Variants in CXCL13 observed in about 807,000 individuals in gnomAD.
CXCL13 encodes the protein C-X-C motif chemokine 13.
Under a neutral mutation model 12.2 loss-of-function variants are expected in CXCL13, and 7 were observed. The observed-to-expected ratio is 0.57, with a 90% CI of 0.33 to 1.07. CXCL13 has a LOEUF of 1.07. Among genes scored for constraint, CXCL13 ranks in the 50% least tolerant of loss-of-function variants. The pLI is 0.04. For synonymous variants in CXCL13, 47 were observed against 42.4 expected (o/e 1.11, Z -0.42); for missense variants, 113 against 127.4 (o/e 0.89, Z 0.55).
chr4:77,561,617 C>G (rs1725814975), intron 1 of CXCL13, among the ~76,000 whole-genome samples: 1 of 152,248 alleles, frequency 6.6e-6, no homozygotes, highest in African/African-American at 2.4e-5. Context: ...GCAGATGCAG[C>G]AGATGCTCTC....
At chr4:77,589,556 GAA>G (rs1025081480) in intron 1 of CXCL13, among the ~76,000 whole-genome samples, 6 of 134,562 alleles carry the variant, frequency 4.5e-5, no homozygotes. Flanking sequence ...GTATGTATCA[GAA>G]AAAAAAAACC....
At chr4:77,587,533 A>T (rs1459278127) in intron 1 of CXCL13, among the ~76,000 whole-genome samples, 1 of 152,176 alleles carries the variant, frequency 6.6e-6, no homozygotes, top group East Asian at 1.9e-4. Flanking sequence ...GGAGAGACAG[A>T]ATTGCTTAAT....
chr4:77,568,512 C>T (rs1725988676), intron 1 of CXCL13, among the ~76,000 whole-genome samples: 1 of 152,142 alleles, frequency 6.6e-6, no homozygotes, highest in African/African-American at 2.4e-5. Flanking sequence ...TCTTCTTTTG[C>T]TATTTGGGCA....
intron 1 of CXCL13, among the ~76,000 whole-genome samples, chr4:77,518,480 G>T (rs1053041593): frequency 2.6e-5 from 4 of 152,158 alleles, no homozygotes; most frequent in East Asian, 1.9e-4. Flanking sequence ...ATTTCTTGGA[G>T]GCTTTGTTCA....
chr4:77,558,466 C>A (rs924967855), intron 1 of CXCL13, among the ~76,000 whole-genome samples: 1 of 152,216 alleles, frequency 6.6e-6, no homozygotes, highest in Non-Finnish European at 1.5e-5. Context: ...AATTCTCCCA[C>A]TTCAGCCTCC....
At chr4:77,601,593 A>T (rs923925745), upstream of CXCL13, among the ~76,000 whole-genome samples, 2 of 152,220 alleles carry the variant, frequency 1.3e-5, no homozygotes, top group Non-Finnish European at 2.9e-5. Flanking sequence ...AGTATCACCT[A>T]TGTGCCTACT....
intron 1 of CXCL13, among the ~76,000 whole-genome samples, chr4:77,593,583 A>C (rs1351555053): frequency 6.6e-6 from 1 of 152,258 alleles, no homozygotes; most frequent in Non-Finnish European, 1.5e-5. Context: ...TTTGAAAATC[A>C]TTTCACATTT....
rs554310906 is a variant in CXCL13 at position 77,575,343 on chromosome 4, C to A, written c.-42-30481C>A. ...CTTTAAGTTCTAGGTTACATGTACACAACATGCAGGTTTGCTACATAGGTA... is the reference window on the plus strand; with the variant it reads ...CTTTAAGTTCTAGGTTACATGTACAAAACATGCAGGTTTGCTACATAGGTA... On this transcript the variant is annotated intron_variant, in intron 1 of 4. Coordinates refer to the CXCL13 transcript ENST00000286758. Among the ~76,000 whole-genome samples, 5 of 151,926 alleles carry A rather than the reference C, an allele frequency of 3.3e-5. No homozygotes were observed. In the South Asian group the frequency reaches 1.0e-3, roughly 32 times the overall value.
At chr4:77,586,910 T>C (rs1726485007) in intron 1 of CXCL13, among the ~76,000 whole-genome samples, 1 of 152,174 alleles carries the variant, frequency 6.6e-6, no homozygotes, top group Non-Finnish European at 1.5e-5. Context: ...CCACATCTCC[T>C]GCCTACAAAC....
intron 1 of CXCL13, among the ~76,000 whole-genome samples, chr4:77,582,298 T>C (rs1726355523): frequency 6.6e-6 from 1 of 152,116 alleles, no homozygotes; most frequent in Non-Finnish European, 1.5e-5. Context: ...TGGTGGCATA[T>C]TGGATGAATA....
chr4:77,546,623 T>C (rs1188168485), intron 1 of CXCL13, among the ~76,000 whole-genome samples: 3 of 152,188 alleles, frequency 2.0e-5, no homozygotes. Flanking sequence ...TGCATCTATT[T>C]GATTCTTCTC....
intron 1 of CXCL13, among the ~76,000 whole-genome samples, chr4:77,607,252 T>G (rs1168695438): frequency 6.6e-6 from 1 of 152,248 alleles, no homozygotes; most frequent in Non-Finnish European, 1.5e-5. Flanking sequence ...TCTCAAATTT[T>G]ATTATGTGGA....
At chr4:77,529,855 G>C (rs1050827997) in intron 1 of CXCL13, among the ~76,000 whole-genome samples, 1 of 152,130 alleles carries the variant, frequency 6.6e-6, no homozygotes, top group Non-Finnish European at 1.5e-5. Flanking sequence ...TCTTGTGCCA[G>C]TTTTCAAAGG....
chr4:77,602,778 T>G (rs908692517), upstream of CXCL13, among the ~76,000 whole-genome samples: 1 of 152,244 alleles, frequency 6.6e-6, no homozygotes, highest in South Asian at 2.1e-4. Flanking sequence ...ATAAATTGTT[T>G]CCATTTGAGT....
At chr4:77,606,994 G>T (rs951779354) in intron 1 of CXCL13, among the ~76,000 whole-genome samples, 1 of 152,094 alleles carries the variant, frequency 6.6e-6, no homozygotes, top group African/African-American at 2.4e-5. Flanking sequence ...ATTGCCTTTT[G>T]TTCTGTAATG....
At chr4:77,531,437 A>G (rs950264095) in intron 1 of CXCL13, among the ~76,000 whole-genome samples, 8 of 151,760 alleles carry the variant, frequency 5.3e-5, no homozygotes, top group Non-Finnish European at 1.2e-4. Flanking sequence ...CTGTTCTTCT[A>G]CATTTGCTGA....
At chr4:77,563,897 G>T (rs558007885) in intron 1 of CXCL13, among the ~76,000 whole-genome samples, 4 of 152,192 alleles carry the variant, frequency 2.6e-5, no homozygotes, top group Admixed American at 2.0e-4. Flanking sequence ...GGGAAAACTC[G>T]TTGTGTAAAT....
chr4:77,596,502 G>A (rs1457363031), intron 1 of CXCL13, among the ~76,000 whole-genome samples: 1 of 151,968 alleles, frequency 6.6e-6, no homozygotes, highest in Non-Finnish European at 1.5e-5. Context: ...TCAATACCTT[G>A]GGCTGGGCAC....
chr4:77,599,844 A>T (rs1383434892), intron 1 of CXCL13, among the ~76,000 whole-genome samples: 1 of 152,220 alleles, frequency 6.6e-6, no homozygotes, highest in Non-Finnish European at 1.5e-5. Context: ...GCAGTTAGCA[A>T]GCTATTGAAG....
Sources: allele counts gnomAD v4.1 joint callset (sites outside exome capture counted in the v4.1 genomes callset), GRCh38; gene constraint gnomAD v4.1.1; transcripts MANE v1.5; gene names NCBI Gene and HGNC (gene_info 2026-07-23, HGNC 2026-07-21).